Variants in JMJD1C observed in about 807,000 individuals in gnomAD.
JMJD1C encodes jumonji domain-containing protein 1C.
JMJD1C carries 31 observed loss-of-function variants against 245.3 expected under a neutral mutation model. That is an observed-to-expected ratio of 0.13 (90% CI 0.09 to 0.17). The LOEUF is 0.17. JMJD1C is among the 10% of genes least tolerant of loss of function. The pLI is 1.00. For synonymous variants in JMJD1C, 1,057 were observed against 1,017.4 expected (o/e 1.04, Z -0.74); for missense variants, 2,691 against 3,000.2 (o/e 0.90, Z 2.41).
intron 1 of JMJD1C, among the ~76,000 whole-genome samples, chr10:63,382,233 T>C (rs1947275477): frequency 6.6e-6 from 1 of 152,058 alleles, no homozygotes; most frequent in Admixed American, 6.6e-5. Flanking sequence ...AGAGAGTAAA[T>C]AGTAAATACT....
intron 2 of JMJD1C, among the ~76,000 whole-genome samples, chr10:63,292,039 C>T (rs1858802683): frequency 1.3e-5 from 2 of 151,632 alleles, no homozygotes; most frequent in African/African-American, 4.8e-5. Context: ...CATTATCAGC[C>T]TCTTGGACTC....
At chr10:63,220,638 TAC>T (rs1199586757) in intron 3 of JMJD1C, among the ~76,000 whole-genome samples, 1 of 152,212 alleles carries the variant, frequency 6.6e-6, no homozygotes, top group Non-Finnish European at 1.5e-5. Context: ...ATGTGAATCA[TAC>T]AGTCACGTGA....
At chr10:63,338,935 A>G (rs1432514563) in intron 2 of JMJD1C, among the ~76,000 whole-genome samples, 2 of 152,142 alleles carry the variant, frequency 1.3e-5, no homozygotes, top group Non-Finnish European at 2.9e-5. Context: ...AGGTGTCGTG[A>G]GCCACTGCAC....
Position 63,201,701 on chromosome 10 carries a change from G to A in JMJD1C, c.5075-1024C>T, listed in dbSNP as rs1846026431. ...TCCCAGTACTTTGGGAGGCTGAGGC[G>A]GGCGGATCACCTGAGGTCGGGAGTT... On this transcript the variant is annotated intron_variant, in intron 10 of 25. Transcript: ENST00000399262. Among the ~76,000 whole-genome samples, 3 of 151,934 alleles carry A rather than the reference G, an allele frequency of 2.0e-5. No individual in the cohort carries two copies. The South Asian group carries it at 6.2e-4, about 32-fold the overall frequency.
intron 2 of JMJD1C, among the ~76,000 whole-genome samples, chr10:63,279,529 C>T (rs1203864581): frequency 1.3e-5 from 2 of 152,188 alleles, no homozygotes; most frequent in African/African-American, 4.8e-5. Context: ...GGGGCTCACA[C>T]CATAATCTCA....
intron 2 of JMJD1C, among the ~76,000 whole-genome samples, chr10:63,305,916 G>C (rs909886403): frequency 1.3e-5 from 2 of 151,564 alleles, no homozygotes; most frequent in African/African-American, 4.9e-5. Context: ...TAGAGTTGGG[G>C]TTTCACATTG....
At chr10:63,282,189 T>C (rs188125528) in intron 2 of JMJD1C, among the ~76,000 whole-genome samples, 121 of 152,296 alleles carry the variant, frequency 7.9e-4, no homozygotes, top group African/African-American at 2.7e-3. Flanking sequence ...CCCCATTACC[T>C]CCTTGTTTGT....
chr10:63,277,551 T>G lies in JMJD1C; in HGVS notation c.334-12787A>C, dbSNP rs35558000. Among the ~76,000 whole-genome samples, 698 of 152,202 alleles carry G rather than the reference T, an allele frequency of 4.6e-3. 6 individuals carry two copies. Among genetic ancestry groups the G allele is most frequent in the Non-Finnish European group, 8.2e-3 (555 of 67,994 alleles). Reference sequence around the variant, plus strand: ...CTCCTGTGTCTGCAGATTCTCAGAATAACTAGCTCAAAACATGGCAAAAAA... The same window carrying G: ...CTCCTGTGTCTGCAGATTCTCAGAAGAACTAGCTCAAAACATGGCAAAAAA... On this transcript the variant is annotated intron_variant, in intron 2 of 25. Transcript: ENST00000399262.
upstream of JMJD1C, among the ~76,000 whole-genome samples, chr10:63,468,456 T>A (rs1346002943): frequency 2.0e-5 from 3 of 152,208 alleles, no homozygotes; most frequent in Non-Finnish European, 2.9e-5. Flanking sequence ...ACAAGGAATT[T>A]AAAAAATTTT....
At chr10:63,474,592 C>T (rs1422924047) in intron 1 of JMJD1C, among the ~76,000 whole-genome samples, 2 of 151,904 alleles carry the variant, frequency 1.3e-5, no homozygotes, top group East Asian at 1.9e-4. Context: ...CTGGGACCAC[C>T]GGCATGTACC....
chr10:63,238,444 A>G (rs574033719), intron 3 of JMJD1C, among the ~76,000 whole-genome samples: 25 of 152,320 alleles, frequency 1.6e-4, no homozygotes, highest in Admixed American at 1.4e-3. Flanking sequence ...AGGAGTTTAT[A>G]TAACATAATT....
intron 2 of JMJD1C, among the ~76,000 whole-genome samples, chr10:63,327,672 A>AT (rs200942410): frequency 2.1e-4 from 26 of 122,042 alleles, no homozygotes; most frequent in South Asian, 9.3e-4. Context: ...CACAGAAAAA[A>AT]TTTTTTTTTT....
intron 1 of JMJD1C, among the ~76,000 whole-genome samples, chr10:63,391,726 G>C (rs953715573): frequency 2.6e-5 from 4 of 152,012 alleles, no homozygotes; most frequent in Admixed American, 2.0e-4. Context: ...TGTCTGAAGC[G>C]ATACAAAGAT....
rs889246973 is a variant in JMJD1C, at chr10:63,465,746, G to A, written c.-84C>T. 9 of 1,501,304 alleles carry A rather than the reference G, an allele frequency of 6.0e-6. No homozygotes were observed. Among genetic ancestry groups the A allele is most frequent in the Admixed American group, 1.8e-5 (1 of 56,126 alleles). The allele number at this position is 1,501,304 out of a possible 1,614,324, so 93.0% of individuals were successfully genotyped here. A position where few individuals can be genotyped will look rare whatever the true frequency, so the allele number is the denominator to read the frequency against. On this transcript the variant is annotated 5_prime_UTR_variant, in exon 1 of 26. Coordinates refer to ENST00000399262, the MANE Select transcript of JMJD1C (RefSeq NM_032776.3). ...CACTCCTACCGGCCGCTCATGCTGAGGAGAGCGGACCGGGACACAGCAGCG... is the reference window on the plus strand; with the variant it reads ...CACTCCTACCGGCCGCTCATGCTGAAGAGAGCGGACCGGGACACAGCAGCG...
At chr10:63,333,013 G>A (rs1187296708) in intron 2 of JMJD1C, among the ~76,000 whole-genome samples, 13 of 151,982 alleles carry the variant, frequency 8.6e-5, no homozygotes, top group Admixed American at 8.5e-4. Flanking sequence ...TATTCTATCA[G>A]CATTGTTTAA....
intron 1 of JMJD1C, among the ~76,000 whole-genome samples, chr10:63,501,571 A>C: frequency 6.6e-6 from 1 of 152,058 alleles, no homozygotes; most frequent in Non-Finnish European, 1.5e-5. Context: ...AGGTCAGGAG[A>C]TCGAGACCAT....
chr10:63,455,473 C>A (rs1952352194), intron 1 of JMJD1C, among the ~76,000 whole-genome samples: 3 of 152,112 alleles, frequency 2.0e-5, no homozygotes, highest in Admixed American at 2.0e-4. Flanking sequence ...AGTTACATAT[C>A]TCAATATTAT....
chr10:63,288,785 A>AT (rs1475067613), intron 2 of JMJD1C, among the ~76,000 whole-genome samples: 1 of 151,942 alleles, frequency 6.6e-6, no homozygotes, highest in Non-Finnish European at 1.5e-5. Flanking sequence ...AGGCTGAGGC[A>AT]TAAGAATTGC....
intron 2 of JMJD1C, among the ~76,000 whole-genome samples, chr10:63,346,746 T>C (rs939264915): frequency 1.4e-4 from 21 of 152,344 alleles, no homozygotes; most frequent in Admixed American, 1.2e-3. Flanking sequence ...ATTGTAAAAT[T>C]TGTCTGAAAG....
Sources: gnomAD v4.1 joint callset for allele counts (sites outside exome capture counted in the v4.1 genomes callset) on GRCh38, gnomAD v4.1.1 for gene constraint, MANE v1.5 for transcripts, NCBI Gene and HGNC (gene_info 2026-07-23, HGNC 2026-07-21) for gene names.